The following ADK variants were observed in gnomAD, a reference collection of about 807,000 sequenced individuals.
ADK encodes N6,N6-dimethyladenosine kinase.
Under a neutral mutation model 44.7 loss-of-function variants are expected in ADK, and 24 were observed. That is an observed-to-expected ratio of 0.54 (90% CI 0.39 to 0.76). The LOEUF is 0.76. Among genes scored for constraint, ADK ranks in the 30% least tolerant of loss-of-function variants. ADK has a pLI of 0.00. For synonymous variants in ADK, 128 were observed against 142.6 expected, an observed-to-expected ratio of 0.90 and a Z score of 0.73; for missense variants, 321 against 425.1, an observed-to-expected ratio of 0.76 and a Z score of 2.15.
At chr10:74,186,261 C>T (rs563272168) in intron 1 of ADK, among the ~76,000 whole-genome samples, 27 of 151,414 alleles carry the variant, frequency 1.8e-4, no homozygotes, top group Admixed American at 1.7e-3. Context: ...TTTCCCCTTT[C>T]CCTTCTCCCT....
chr10:74,533,629 T>C (rs922513393), intron 7 of ADK, among the ~76,000 whole-genome samples: 1 of 152,198 alleles, frequency 6.6e-6, no homozygotes, highest in African/African-American at 2.4e-5. Context: ...TATTAGAATG[T>C]CTGAAAGTGT....
intron 7 of ADK, among the ~76,000 whole-genome samples, chr10:74,535,445 A>G (rs918844187): frequency 3.9e-5 from 6 of 152,184 alleles, no homozygotes; most frequent in Non-Finnish European, 5.9e-5. Flanking sequence ...TCTGGGTAAC[A>G]GAGTAAGACC....
At chr10:74,441,437 G>C (rs1340637478) in intron 6 of ADK, among the ~76,000 whole-genome samples, 1 of 152,156 alleles carries the variant, frequency 6.6e-6, no homozygotes, top group Non-Finnish European at 1.5e-5. Flanking sequence ...ACAAAAATGT[G>C]TATATGAATG....
At chr10:74,254,498 A>G (rs1845755316) in intron 3 of ADK, among the ~76,000 whole-genome samples, 5 of 152,146 alleles carry the variant, frequency 3.3e-5, no homozygotes, top group Admixed American at 2.6e-4. Flanking sequence ...TTTCTTCTAA[A>G]AAGAAAATTA....
chr10:74,387,692 T>C (rs1843191085), intron 4 of ADK, among the ~76,000 whole-genome samples: 1 of 152,228 alleles, frequency 6.6e-6, no homozygotes, highest in African/African-American at 2.4e-5. Context: ...GCTGCTTTTT[T>C]ACTATTGCTG....
chr10:74,291,693 C>T (rs1266306534), intron 3 of ADK, among the ~76,000 whole-genome samples: 9 of 148,426 alleles, frequency 6.1e-5, no homozygotes, highest in Non-Finnish European at 8.9e-5. Context: ...TTTTTATAAT[C>T]TTGTTTTATA....
intron 7 of ADK, among the ~76,000 whole-genome samples, chr10:74,573,775 T>C (rs1361334913): frequency 6.6e-6 from 1 of 152,170 alleles, no homozygotes; most frequent in Non-Finnish European, 1.5e-5. Flanking sequence ...GTGCTAGCAA[T>C]CAGCGAGACT....
intron 9 of ADK, among the ~76,000 whole-genome samples, chr10:74,625,380 A>G (rs911586623): frequency 6.6e-6 from 1 of 152,116 alleles, no homozygotes; most frequent in Non-Finnish European, 1.5e-5. Context: ...ATATGGGGCA[A>G]CCATCTCTGA....
At chr10:74,527,370 A>C (rs1849089191) in intron 7 of ADK, among the ~76,000 whole-genome samples, 1 of 99,690 alleles carries the variant, frequency 1.0e-5, no homozygotes, top group Non-Finnish European at 1.7e-5. Flanking sequence ...AAAACAAACA[A>C]ACAAAAAAAA....
chr10:74,412,553 A>G (rs1205305602), intron 6 of ADK, among the ~76,000 whole-genome samples: 1 of 152,212 alleles, frequency 6.6e-6, no homozygotes, highest in Non-Finnish European at 1.5e-5. Context: ...CTTATGAAAT[A>G]TATTACTTAA....
chr10:74,209,096 G>A (rs927828687), intron 2 of ADK, among the ~76,000 whole-genome samples: 6 of 152,266 alleles, frequency 3.9e-5, no homozygotes, highest in African/African-American at 1.4e-4. Context: ...AATTCATGTT[G>A]AAACTTATCC....
chr10:74,248,921 A>G (rs1845536643), intron 3 of ADK, among the ~76,000 whole-genome samples: 1 of 152,196 alleles, frequency 6.6e-6, no homozygotes, highest in South Asian at 2.1e-4. Flanking sequence ...AGGATGATAA[A>G]CATTAGAAAG....
chr10:74,185,805 G>A (rs529519360), intron 1 of ADK, among the ~76,000 whole-genome samples: 1 of 140,404 alleles, frequency 7.1e-6, no homozygotes, highest in African/African-American at 2.6e-5. Context: ...CCAGTGCAGT[G>A]CAGCCTGGGC....
At chr10:74,644,480 G>A (rs1016346630) in intron 9 of ADK, among the ~76,000 whole-genome samples, 4 of 152,170 alleles carry the variant, frequency 2.6e-5, no homozygotes, top group African/African-American at 9.7e-5. Flanking sequence ...TAAACAAAAA[G>A]TTAAAACAAG....
At chr10:74,702,332 C>T (rs1034325698) in intron 10 of ADK, among the ~76,000 whole-genome samples, 8 of 151,022 alleles carry the variant, frequency 5.3e-5, no homozygotes, top group African/African-American at 1.7e-4. Flanking sequence ...TACAGGCACC[C>T]GCCACCATGC....
intron 9 of ADK, among the ~76,000 whole-genome samples, chr10:74,654,451 C>T (rs1472439112): frequency 1.3e-5 from 2 of 152,188 alleles, no homozygotes; most frequent in Non-Finnish European, 2.9e-5. Context: ...ATATGGCATC[C>T]TCATGAGGTG....
intron 4 of ADK, among the ~76,000 whole-genome samples, chr10:74,324,480 A>G (rs763975804): frequency 4.6e-5 from 7 of 152,220 alleles, no homozygotes; most frequent in Non-Finnish European, 7.3e-5. Flanking sequence ...TATAGTTCAC[A>G]TATGAGTTGA....
In ADK at chr10:74,611,179, C is replaced by CAAG. The variant is rs1564818504; in HGVS notation, c.877+10686_877+10687insAAG. ...GCCGGGACTACAGGTGCCTACCACC[C>CAAG]TGCCCAGCTAATTTTTTTGTATTTT... On this transcript the variant is annotated intron_variant, in intron 9 of 10. Transcript: ENST00000539909. Among the ~76,000 whole-genome samples, 427 of 152,010 alleles carry CAAG rather than the reference C, an allele frequency of 2.8e-3. 1 individual carries two copies. Among genetic ancestry groups the CAAG allele is most frequent in the African/African-American group, 9.8e-3 (408 of 41,474 alleles).
At chr10:74,354,018 G>A (rs1842054102) in intron 4 of ADK, among the ~76,000 whole-genome samples, 1 of 152,160 alleles carries the variant, frequency 6.6e-6, no homozygotes, top group Non-Finnish European at 1.5e-5. Flanking sequence ...GGTTTCCTTT[G>A]TCCAGAATAA....
Sources: allele counts gnomAD v4.1 joint callset (sites outside exome capture counted in the v4.1 genomes callset), GRCh38; gene constraint gnomAD v4.1.1; transcripts MANE v1.5; gene names NCBI Gene and HGNC (gene_info 2026-07-23, HGNC 2026-07-21).